VBP1: variants seen among roughly 807,000 people sequenced by gnomAD.
VBP1 encodes VHL binding protein 1.
A neutral mutation model predicts 15.5 loss-of-function variants in VBP1; 4 were observed. The ratio of observed to expected loss-of-function variants is 0.26; its 90% CI spans 0.13 to 0.59. The LOEUF (loss-of-function observed/expected upper bound fraction) is 0.59. VBP1 is among the 20% of genes least tolerant of loss of function. VBP1 has a pLI of 0.90. For synonymous variants in VBP1, 61 were observed against 52.1 expected, an observed-to-expected ratio of 1.17 and a Z score of -0.74; for missense variants, 108 against 139.6, an observed-to-expected ratio of 0.77 and a Z score of 1.14.
chrX:155,218,686 C>T (rs1341976990), intron 1 of VBP1, among the ~76,000 whole-genome samples: 1 of 111,699 alleles, frequency 9.0e-6, no homozygotes, highest in African/African-American at 3.3e-5. Context: ...ACTTTGTGTC[C>T]CTGTGGCACA....
intron 4 of VBP1, among the ~76,000 whole-genome samples, chrX:155,232,999 A>C (rs1328321435): frequency 8.9e-6 from 1 of 112,802 alleles, no homozygotes; most frequent in Non-Finnish European, 1.9e-5. Context: ...AGTACAGAGG[A>C]GGAATGAACT....
In VBP1 at chrX:155,216,927, C is replaced by T. The variant is rs73569689; in HGVS notation, c.93+352C>T. ...AAAAGGGGAGGTGGTGAGGAGCTCTCGACTCAGCATGGATGCTGGAGACAC... is the reference window on the plus strand; with the variant it reads ...AAAAGGGGAGGTGGTGAGGAGCTCTTGACTCAGCATGGATGCTGGAGACAC... On this transcript the variant is annotated intron_variant, in intron 1 of 5. Coordinates refer to ENST00000286428, the MANE Select transcript of VBP1 (RefSeq NM_003372.7). 7.7e-3 allele frequency among the ~76,000 whole-genome samples: 860 copies of T among 112,133 alleles called. 15 individuals are homozygous for T. The highest frequency in any genetic ancestry group is 0.026 in the African/African-American group (807 of 30,847).
At chrX:155,228,509 A>G (rs1557310503) in intron 4 of VBP1, 27 bp downstream of exon 4, 2 of 1,131,118 alleles carry the variant, frequency 1.8e-6, no homozygotes, top group Admixed American at 4.6e-5. Context: ...GCCACAGCTG[A>G]TATATTTGTA....
chrX:155,198,777 G>A (rs1557307004), intron 1 of VBP1, among the ~76,000 whole-genome samples: 1 of 112,368 alleles, frequency 8.9e-6, no homozygotes, highest in Non-Finnish European at 1.9e-5. Context: ...TTGACGAGTT[G>A]AGAGAAGAAG....
At chrX:155,225,614 T>G (rs782164988) in intron 2 of VBP1, among the ~76,000 whole-genome samples, 33 of 112,233 alleles carry the variant, frequency 2.9e-4, no homozygotes, top group Non-Finnish European at 3.9e-4. Flanking sequence ...GATTGATTCA[T>G]TAATATGCTT....
intron 2 of VBP1, among the ~76,000 whole-genome samples, chrX:155,221,167 C>T (rs2074687653): frequency 9.0e-6 from 1 of 111,168 alleles, no homozygotes; most frequent in Non-Finnish European, 1.9e-5. Context: ...CCCGTCTCTA[C>T]TAAAATACAA....
chrX:155,220,269 T>C lies in VBP1; in HGVS notation c.180T>C (p.Tyr60=). 1 of 1,189,685 alleles carries C rather than the reference T, an allele frequency of 8.4e-7. No homozygotes were observed. Among genetic ancestry groups the C allele is most frequent in the South Asian group, 1.9e-5 (1 of 51,746 alleles). ...LKKLDEQYQK[Y]KFMELNLAQK... is the part of the protein sequence containing the mutation. ...AGCTGGATGAACAGTACCAGAAGTA[T>C]AAGTTTATGGAACTCAACCTTGCTC... Residue 60 remains tyrosine, a synonymous_variant, in exon 2 of 6, where the codon TAT becomes TAC. Coordinates refer to ENST00000286428, the MANE Select transcript of VBP1 (RefSeq NM_003372.7).
chrX:155,238,495 T>C (rs2074784353), intron 5 of VBP1, among the ~76,000 whole-genome samples: 1 of 112,419 alleles, frequency 8.9e-6, no homozygotes, highest in Non-Finnish European at 1.9e-5. Context: ...ACATATTTGT[T>C]AAATATATCA....
chrX:155,204,395 C>T lies in VBP1; in HGVS notation c.-30-4479C>T, dbSNP rs188025190. On this transcript the variant is annotated intron_variant, in intron 1 of 6. Coordinates refer to the VBP1 transcript ENST00000535916. ...CTTGAACTCCTGACCTCAGGTGATCCGCCCGCCTTGGCCTCCGAAAGTGCT... is the reference window on the plus strand; with the variant it reads ...CTTGAACTCCTGACCTCAGGTGATCTGCCCGCCTTGGCCTCCGAAAGTGCT... Among the ~76,000 whole-genome samples, 936 of 111,345 alleles carry T rather than the reference C, an allele frequency of 8.4e-3. 6 individuals carry two copies. Among genetic ancestry groups the T allele is most frequent in the African/African-American group, 0.029 (894 of 30,563 alleles).
chrX:155,197,923 G>A (rs1231569111), intron 1 of VBP1, among the ~76,000 whole-genome samples: 8 of 112,446 alleles, frequency 7.1e-5, no homozygotes, highest in South Asian at 3.6e-4. Context: ...GTGCTTTTCC[G>A]ATGGGCTTAA....
intron 1 of VBP1, among the ~76,000 whole-genome samples, chrX:155,200,249 C>T (rs1557307247): frequency 9.4e-6 from 1 of 106,547 alleles, no homozygotes; most frequent in Middle Eastern, 4.7e-3. Flanking sequence ...CAGCTCTGCA[C>T]CAAGCGGACC....
chrX:155,223,350 C>T (rs1208349171), intron 2 of VBP1, among the ~76,000 whole-genome samples: 1 of 108,209 alleles, frequency 9.2e-6, no homozygotes, highest in Non-Finnish European at 1.9e-5. Context: ...CTGCCGCCTT[C>T]CGCAGTGTTT....
intron 2 of VBP1, among the ~76,000 whole-genome samples, chrX:155,222,919 T>C (rs2074696387): frequency 9.0e-6 from 1 of 111,498 alleles, no homozygotes; most frequent in Non-Finnish European, 1.9e-5. Context: ...CACAGCTCAC[T>C]GCAGCCTTGA....
upstream of VBP1, chrX:155,213,375 G>T (rs1367403807): frequency 8.9e-6 from 1 of 112,080 alleles, no homozygotes; most frequent in African/African-American, 3.2e-5. Context: ...GCTCTTCAGA[G>T]TAATTTCAGA....
At chrX:155,235,901 C>A (rs1433853686) in intron 4 of VBP1, among the ~76,000 whole-genome samples, 2 of 112,031 alleles carry the variant, frequency 1.8e-5, no homozygotes, top group African/African-American at 6.5e-5. Flanking sequence ...GTGAAGAAGA[C>A]AACTTTGGCC....
At chrX:155,227,531 C>G (rs1037286083) in intron 3 of VBP1, among the ~76,000 whole-genome samples, 14 of 112,526 alleles carry the variant, frequency 1.2e-4, no homozygotes, top group Non-Finnish European at 2.6e-4. Flanking sequence ...CTTTGCTTAT[C>G]TTTAGTGCTT....
chrX:155,200,335 C>A (rs1418369350), intron 1 of VBP1, among the ~76,000 whole-genome samples: 1 of 104,283 alleles, frequency 9.6e-6, no homozygotes, highest in Non-Finnish European at 2.0e-5. Context: ...CACACCTATT[C>A]CAAAATTGAC....
intron 2 of VBP1, among the ~76,000 whole-genome samples, chrX:155,222,528 GA>G (rs1233651717): frequency 9.0e-6 from 1 of 111,670 alleles, no homozygotes; most frequent in African/African-American, 3.3e-5. Context: ...AGTCCTGGGA[GA>G]GGGGGAAATT....
intron 4 of VBP1, among the ~76,000 whole-genome samples, chrX:155,232,776 T>C (rs1355796827): frequency 1.8e-5 from 2 of 112,970 alleles, no homozygotes; most frequent in Non-Finnish European, 3.7e-5. Flanking sequence ...AAGCAGAACA[T>C]ATGCATTGCC....
Sources: gnomAD v4.1 joint callset for allele counts (sites outside exome capture counted in the v4.1 genomes callset) on GRCh38, gnomAD v4.1.1 for gene constraint, MANE v1.5 for transcripts, NCBI Gene and HGNC (gene_info 2026-07-23, HGNC 2026-07-21) for gene names.